Variants in AGO1 observed in about 807,000 individuals in gnomAD.
AGO1 encodes the protein protein argonaute-1.
A neutral mutation model predicts 109.2 loss-of-function variants in AGO1; 11 were observed. The observed-to-expected ratio is 0.10, with a 90% CI of 0.06 to 0.17. The LOEUF (loss-of-function observed/expected upper bound fraction) is 0.17. Ranked by LOEUF, AGO1 falls within the 10% of genes least tolerant of loss-of-function variation. The pLI is 1.00. For missense variants in AGO1, 574 were observed against 1,140.3 expected, an observed-to-expected ratio of 0.50 and a Z score of 7.15; for synonymous variants, 422 against 418.6, an observed-to-expected ratio of 1.01 and a Z score of -0.10.
At chr1:35,914,160 T>C (rs748496809) in intron 13 of AGO1, 24 bp from the exon 14 acceptor site, 1 of 1,612,800 alleles carries the variant, frequency 6.2e-7, no homozygotes, top group Admixed American at 1.7e-5. Flanking sequence ...CGCCTCACCA[T>C]TTTGTTTTCT....
intron 8 of AGO1, among the ~76,000 whole-genome samples, chr1:35,897,473 G>A (rs1645339924): frequency 6.6e-6 from 1 of 152,200 alleles, no homozygotes; most frequent in South Asian, 2.1e-4. Context: ...ATTCTGCAGA[G>A]GGTCAAATAA....
Position 35,928,169 on chromosome 1 carries a change from C to T in AGO1, c.*8562C>T, listed in dbSNP as rs1210193915. ...TTAAAGCGGCAGCTGGCCACTCTGT[C>T]TTTCCTGCATGCACTGAGTATTTGG... On this transcript the variant is annotated 3_prime_UTR_variant, in exon 19 of 19. Transcript: ENST00000373204. 6.6e-6 allele frequency: 1 copy of T among 152,246 alleles called. No homozygotes were observed. The highest frequency in any genetic ancestry group is 1.5e-5 in the Non-Finnish European group (1 of 68,056). 9.4% of individuals were successfully genotyped at this position (152,246 alleles called of 1,614,324 possible). A position where few individuals can be genotyped will look rare whatever the true frequency, so the allele number is the denominator to read the frequency against.
At position 35,883,533 on chromosome 1, in the gene AGO1, G is replaced by T. The variant is rs574809993; in HGVS notation, c.25+87G>T. The stretch of plus-strand genomic sequence containing the variant: ...AGCGTGGTTTCCAAGTGATGGAAGC[G>T]CTCCTGAGTGAGGAGAAGGGCTCTC... On this transcript the variant is annotated intron_variant, in intron 1 of 18. Coordinates refer to ENST00000373204, the MANE Select transcript of AGO1 (RefSeq NM_012199.5). The surrounding 1 kb of genome is among the most constrained non-coding windows in gnomAD (Gnocchi z 5.4). 6.9e-6 allele frequency: 10 copies of T among 1,446,996 alleles called. No homozygotes were observed. Among genetic ancestry groups the T allele is most frequent in the Non-Finnish European group, 9.1e-6 (10 of 1,100,092 alleles). The allele number at this position is 1,446,996 out of a possible 1,614,324, so 89.6% of individuals were successfully genotyped here.
At chr1:35,882,084 C>G (rs1645042989), upstream of AGO1, among the ~76,000 whole-genome samples, 1 of 152,186 alleles carries the variant, frequency 6.6e-6, no homozygotes, top group Non-Finnish European at 1.5e-5. The surrounding 1 kb of genome is among the most constrained non-coding windows in gnomAD (Gnocchi z 5.1). Context: ...ACTGTCATTT[C>G]TGACATGAAG....
At chr1:35,892,790 T>C in intron 3 of AGO1, 113 bp downstream of exon 3, 2 of 1,486,398 alleles carry the variant, frequency 1.3e-6, no homozygotes, top group South Asian at 2.4e-5. Context: ...TGAGAAAGTA[T>C]GTTTTAGGGT....
rs1050283350 is a variant in AGO1 at position 35,895,182 on chromosome 1, G to A, written c.933G>A (p.Lys311=). ...TVECTVAQYF[K]QKYNLQLKYP... ...AGTGCACAGTGGCACAGTATTTCAA[G>A]CAGAAATATAACCTTCAGCTCAAGT... The change falls in exon 8 of 19, where the codon AAG becomes AAA. Residue 311 remains lysine (K), a synonymous_variant. Transcript: ENST00000373204. The A allele has an allele frequency of 1.2e-6, 2 of 1,614,074 alleles. No homozygotes were observed. The highest frequency in any genetic ancestry group is 1.1e-5 in the South Asian group (1 of 91,076).
chr1:35,916,243 AG>A (rs1571376928), intron 15 of AGO1, among the ~76,000 whole-genome samples: 1 of 152,178 alleles, frequency 6.6e-6, no homozygotes, highest in East Asian at 1.9e-4. Flanking sequence ...TTAACAGATG[AG>A]AAAACAGGCT....
Position 35,927,103 on chromosome 1 carries a change from A to C in AGO1, c.*7496A>C, listed in dbSNP as rs554046305. The C allele has an allele frequency of 6.6e-6, 1 of 152,182 alleles. No homozygotes were observed. The highest frequency in any genetic ancestry group is 1.5e-5 in the Non-Finnish European group (1 of 68,032). The allele number at this position is 152,182 out of a possible 1,614,324, so 9.4% of individuals were successfully genotyped here. Reference sequence around the variant, plus strand: ...GGTTTTTGGAAAAGGCCTGTGGGCTATTAATGAGAGTGAGCTGCAAAAGGA... The same window carrying C: ...GGTTTTTGGAAAAGGCCTGTGGGCTCTTAATGAGAGTGAGCTGCAAAAGGA... On this transcript the variant is annotated 3_prime_UTR_variant, in exon 19 of 19. Coordinates refer to ENST00000373204, the MANE Select transcript of AGO1 (RefSeq NM_012199.5).
chr1:35,885,667 C>T (rs1645109344), intron 1 of AGO1, among the ~76,000 whole-genome samples: 1 of 152,378 alleles, frequency 6.6e-6, no homozygotes, highest in East Asian at 1.9e-4. Context: ...TTGCTAGCCT[C>T]ACTGGGCTTA....
intron 12 of AGO1, among the ~76,000 whole-genome samples, chr1:35,912,477 T>A (rs1332409562): frequency 7.1e-4 from 108 of 152,238 alleles, no homozygotes; most frequent in Middle Eastern, 3.4e-3. Flanking sequence ...TGAGGCCCAT[T>A]TGCTTAGTTG....
chr1:35,915,941 G>T (rs1291806771), intron 15 of AGO1, among the ~76,000 whole-genome samples: 1 of 152,172 alleles, frequency 6.6e-6, no homozygotes, highest in Non-Finnish European at 1.5e-5. Context: ...CTTAGGCGAT[G>T]CTGATAGTCT....
At position 35,888,584 on chromosome 1, in the gene AGO1, G is replaced by A. The variant is rs74665168; in HGVS notation, c.183G>A (p.Pro61=). The A allele has an allele frequency of 7.9e-4, 1,278 of 1,614,128 alleles. 19 individuals are homozygous for A. The Admixed American group carries it at 0.018, about 23-fold the overall frequency. ...ACCACTACGAGGTGGACATCAAGCC[G>A]GATAAGTGTCCCCGTAGAGTCAACC... ...DVYHYEVDIK[P]DKCPRRVNRE... The change falls in exon 2 of 19, where the codon CCG becomes CCA. Residue 61 remains proline (P), a synonymous_variant. Coordinates refer to ENST00000373204, the MANE Select transcript of AGO1 (RefSeq NM_012199.5). The surrounding 1 kb of genome is among the most constrained non-coding windows in gnomAD (Gnocchi z 4.1).
chr1:35,871,959 A>G (rs1644954862), intron 1 of AGO1, among the ~76,000 whole-genome samples: 1 of 150,662 alleles, frequency 6.6e-6, no homozygotes, highest in Non-Finnish European at 1.5e-5. Context: ...AGTCCCAGGT[A>G]CTTGGGAGGC....
intron 1 of AGO1, among the ~76,000 whole-genome samples, chr1:35,887,804 C>G (rs1286495135): frequency 6.6e-6 from 1 of 152,130 alleles, no homozygotes; most frequent in Non-Finnish European, 1.5e-5. Flanking sequence ...GCTCTGTCCT[C>G]TTCTCCAACC....
rs545774764 is a variant in AGO1, at chr1:35,871,399, C to T, written c.-201+1496C>T. On this transcript the variant is annotated intron_variant, in intron 1 of 18. Transcript: ENST00000373206. ...CTCTACTAAAAATATAAAAATTAGC[C>T]GGGTATGGTGGCGCACACTTGTAGT... 8.9e-4 allele frequency among the ~76,000 whole-genome samples: 134 copies of T among 150,994 alleles called. 1 individual carries two copies. The highest frequency in any genetic ancestry group is 3.1e-3 in the African/African-American group (128 of 41,128).
chr1:35,893,475 G>T lies in AGO1; in HGVS notation c.512+197G>T. On this transcript the variant is annotated intron_variant, in intron 4 of 18. Transcript: ENST00000373204. The surrounding 1 kb of genome is among the most constrained non-coding windows in gnomAD (Gnocchi z 5.6). ...GCCCTGAACTTCTTAGATATCTTTG[G>T]GCCTCATCCCATCTGTCCCTGCAGG... The T allele has an allele frequency of 2.5e-6, 2 of 796,598 alleles. No individual in the cohort carries two copies. Among genetic ancestry groups the T allele is most frequent in the Non-Finnish European group, 3.9e-6 (2 of 518,080 alleles). The allele number at this position is 796,598 out of a possible 1,614,324, so 49.3% of individuals were successfully genotyped here.
intron 8 of AGO1, among the ~76,000 whole-genome samples, chr1:35,896,543 T>G (rs1645323341): frequency 6.6e-6 from 1 of 152,008 alleles, no homozygotes. Context: ...TTTTGTATTT[T>G]TAGTAGAGAT....
At position 35,895,107 on chromosome 1, in the gene AGO1, CCTT is replaced by C. The variant is rs769191349; in HGVS notation, c.873-9_873-7del. 3 of 1,600,098 alleles carry C rather than the reference CCTT, an allele frequency of 1.9e-6. No individual in the cohort carries two copies. The highest frequency in any genetic ancestry group is 2.7e-5 in the African/African-American group (2 of 74,004). On this transcript the variant is annotated splice_polypyrimidine_tract_variant and intron_variant, in intron 7 of 18. Transcript: ENST00000373204. ...CTGGGTTATGACACCCCCTTCCTTCCCTTCTTCTGAACAGATTCCCCTTACAGC... is the reference window on the plus strand; with the variant it reads ...CTGGGTTATGACACCCCCTTCCTTCCCTTCTGAACAGATTCCCCTTACAGC...
chr1:35,917,212 T>G (rs564980642), intron 15 of AGO1, among the ~76,000 whole-genome samples: 8 of 152,324 alleles, frequency 5.3e-5, no homozygotes, highest in Non-Finnish European at 1.2e-4. Context: ...CTGTCTGCTC[T>G]TGGAGCCCAA....
Sources: gnomAD v4.1 joint callset for allele counts (sites outside exome capture counted in the v4.1 genomes callset) on GRCh38, gnomAD v4.1.1 for gene constraint, Gnocchi (gnomAD v3.1) non-coding constraint, MANE v1.5 for transcripts, NCBI Gene and HGNC (gene_info 2026-07-23, HGNC 2026-07-21) for gene names.